DEAF1: variants seen among roughly 807,000 people sequenced by gnomAD.
DEAF1 encodes the protein deformed epidermal autoregulatory factor 1 homolog.
In DEAF1, 53 loss-of-function variants were observed where a neutral mutation model predicts 58.9. That is an observed-to-expected ratio of 0.90 (90% CI 0.72 to 1.13). DEAF1 has a LOEUF of 1.13. Ranked by LOEUF, DEAF1 falls within the 50% of genes most tolerant of loss-of-function variation. DEAF1 has a pLI of 0.00. For synonymous variants in DEAF1, 385 were observed against 340.4 expected, an observed-to-expected ratio of 1.13 and a Z score of -1.44; for missense variants, 685 against 791.4, an observed-to-expected ratio of 0.87 and a Z score of 1.61.
intron 10 of DEAF1, among the ~76,000 whole-genome samples, chr11:673,638 G>A (rs1232189218): frequency 6.6e-6 from 1 of 152,168 alleles, no homozygotes; most frequent in Non-Finnish European, 1.5e-5. Flanking sequence ...CAAAGTCCAC[G>A]TTACCGTACC....
chr11:703,674 GCTCTGC>G (rs1861600797), intron 1 of DEAF1: 13 of 1,232,258 alleles, frequency 1.1e-5, no homozygotes, highest in Non-Finnish European at 1.3e-5. Context: ...AGCAACCCCA[GCTCTGC>G]CTCACAGGCA....
chr11:688,413 T>C lies in DEAF1; in HGVS notation c.435A>G (p.Lys145=). The C allele has an allele frequency of 1.9e-6, 3 of 1,613,882 alleles. No individual in the cohort carries two copies. The highest frequency in any genetic ancestry group is 2.5e-6 in the Non-Finnish European group (3 of 1,180,026). The change falls in exon 3 of 12, where the codon AAA becomes AAG. Residue 145 remains lysine (K), a synonymous_variant. Coordinates refer to ENST00000382409, the MANE Select transcript of DEAF1 (RefSeq NM_021008.4). The surrounding 1 kb of genome is among the most constrained non-coding windows in gnomAD (Gnocchi z 4.3). Reference sequence around the variant, plus strand: ...CTGTGTGGACGACAATCAGTGTCGCTTTTTCGGTGTTCAGGCTGTCCCCGA... The same window carrying C: ...CTGTGTGGACGACAATCAGTGTCGCCTTTTCGGTGTTCAGGCTGTCCCCGA... ...LQIGDSLNTE[K]ATLIVVHTDG...
chr11:657,151 A>T (rs1292742015), intron 10 of DEAF1, among the ~76,000 whole-genome samples: 1 of 151,934 alleles, frequency 6.6e-6, no homozygotes, highest in Non-Finnish European at 1.5e-5. Flanking sequence ...ACTCTCTAAG[A>T]CTTCCCAATA....
chr11:655,957 C>CG (rs1439219911), intron 10 of DEAF1, among the ~76,000 whole-genome samples: 7 of 151,880 alleles, frequency 4.6e-5, no homozygotes, highest in African/African-American at 1.5e-4. Flanking sequence ...CTCAGCCTCC[C>CG]CACAGCTGGG....
intron 6 of DEAF1, among the ~76,000 whole-genome samples, chr11:681,652 T>C (rs1238605429): frequency 1.3e-5 from 2 of 152,206 alleles, no homozygotes; most frequent in Non-Finnish European, 2.9e-5. Context: ...CCTCGTGATC[T>C]GCCCACCTCG....
chr11:649,375 T>C (rs1186253807), intron 11 of DEAF1, among the ~76,000 whole-genome samples: 3 of 151,784 alleles, frequency 2.0e-5, no homozygotes, highest in Admixed American at 2.0e-4. Context: ...TGAGCTGAGA[T>C]TGTGCCACTG....
Position 694,966 on chromosome 11 carries a change from C to T in DEAF1, c.82G>A (p.Ala28Thr). The T allele has an allele frequency of 8.5e-7, 1 of 1,174,180 alleles. No homozygotes were observed. Among genetic ancestry groups the T allele is most frequent in the South Asian group, 3.1e-5 (1 of 32,070 alleles). The allele number at this position is 1,174,180 out of a possible 1,614,324, so 72.7% of individuals were successfully genotyped here. The part of the protein sequence containing the change: ...AVAAAAAVAA[A>T]AAAAAGGEAE... ...TCGCCTCCTGCCGCGGCCGCGGCCGCCGCCGCCACAGCGGCCGCGGCCGCC... is the reference window on the plus strand; with the variant it reads ...TCGCCTCCTGCCGCGGCCGCGGCCGTCGCCGCCACAGCGGCCGCGGCCGCC... Residue 28 changes from alanine to threonine, a missense_variant, in exon 1 of 12, where the codon GCG (alanine) becomes ACG (threonine). Around this residue, in one of 3 missense-constraint regions of DEAF1, gnomAD observed 210 missense variants for 177.3 expected, o/e 1.18. Coordinates refer to ENST00000382409, the MANE Select transcript of DEAF1 (RefSeq NM_021008.4).
Position 684,797 on chromosome 11 carries a change from A to C in DEAF1, c.870+101T>G, listed in dbSNP as rs555399097. The C allele has an allele frequency of 4.0e-6, 4 of 993,702 alleles. No homozygotes were observed. In the East Asian group the frequency reaches 1.0e-4, roughly 26 times the overall value. 61.6% of individuals were successfully genotyped at this position (993,702 alleles called of 1,614,324 possible). On this transcript the variant is annotated intron_variant, in intron 6 of 11. Coordinates refer to ENST00000382409, the MANE Select transcript of DEAF1 (RefSeq NM_021008.4). ...AGGACAGTGTCTCTCTCCAAGGCAG[A>C]GGGCAGGAGGGAAACAGCCGAGAGG...
intron 10 of DEAF1, chr11:666,194 C>T (rs1305776214): frequency 6.6e-6 from 1 of 152,264 alleles, no homozygotes; most frequent in African/African-American, 2.4e-5. Context: ...CCTGCCCTAA[C>T]AGCATCAACA....
At chr11:684,432 A>G (rs1447377507) in intron 6 of DEAF1, among the ~76,000 whole-genome samples, 1 of 151,994 alleles carries the variant, frequency 6.6e-6, no homozygotes, top group African/African-American at 2.4e-5. Context: ...AAAAAAAAAG[A>G]AAGAAAAATT....
chr11:669,758 C>T (rs562117030), intron 10 of DEAF1, among the ~76,000 whole-genome samples: 7 of 151,052 alleles, frequency 4.6e-5, no homozygotes, highest in African/African-American at 1.7e-4. Flanking sequence ...GGTGAAACCT[C>T]GTCTCTACTT....
chr11:683,018 C>G (rs531968434), intron 6 of DEAF1, among the ~76,000 whole-genome samples: 2 of 152,292 alleles, frequency 1.3e-5, no homozygotes, highest in Admixed American at 1.3e-4. Flanking sequence ...GGTCGTAGCT[C>G]AAACGTCACA....
intron 1 of DEAF1, chr11:692,470 T>A (rs894114698): frequency 6.5e-6 from 1 of 153,230 alleles, no homozygotes; most frequent in Non-Finnish European, 1.5e-5. Context: ...TCCAGGGCAA[T>A]CTCTGGCACA....
chr11:667,335 A>G (rs1859587471), intron 10 of DEAF1, among the ~76,000 whole-genome samples: 1 of 135,460 alleles, frequency 7.4e-6, no homozygotes, highest in South Asian at 2.7e-4. Flanking sequence ...GAAAGAAAAA[A>G]GAAGGAAGGA....
intron 10 of DEAF1, among the ~76,000 whole-genome samples, chr11:658,504 G>A (rs1056472758): frequency 4.6e-4 from 70 of 152,260 alleles, no homozygotes; most frequent in South Asian, 2.1e-4. Context: ...ACAAGACACC[G>A]CGTTTCCGCA....
rs544384136 is a variant in DEAF1 at position 653,322 on chromosome 11, G to A, written c.1593+640C>T. The stretch of plus-strand genomic sequence containing the variant: ...CTGTGGACAGTCTCTCTCTCGCGTG[G>A]CTCTGCAGGGGTGTGGAGGGCTCAA... On this transcript the variant is annotated intron_variant, in intron 11 of 11. Coordinates refer to ENST00000382409, the MANE Select transcript of DEAF1 (RefSeq NM_021008.4). 6.1e-5 allele frequency among the ~76,000 whole-genome samples: 8 copies of A among 131,286 alleles called. No individual in the cohort carries two copies. In the East Asian group the frequency reaches 1.7e-3, roughly 28 times the overall value. The allele number at this position is 131,286 out of a possible 152,430, so 86.1% of individuals were successfully genotyped here. A position where few individuals can be genotyped will look rare whatever the true frequency, so the allele number is the denominator to read the frequency against.
chr11:691,973 C>A (rs1439965408), intron 1 of DEAF1, among the ~76,000 whole-genome samples: 1 of 152,156 alleles, frequency 6.6e-6, no homozygotes, highest in Non-Finnish European at 1.5e-5. Context: ...CTACGAGGAG[C>A]TCTCGGCCTC....
At chr11:672,730 C>T (rs1859885432) in intron 10 of DEAF1, among the ~76,000 whole-genome samples, 1 of 151,936 alleles carries the variant, frequency 6.6e-6, no homozygotes, top group Non-Finnish European at 1.5e-5. Flanking sequence ...TGCCTGTAAT[C>T]CCAGCTATTC....
intron 10 of DEAF1, among the ~76,000 whole-genome samples, chr11:667,643 T>TA (rs1467442068): frequency 1.2e-4 from 18 of 150,356 alleles, no homozygotes; most frequent in Admixed American, 2.0e-4. Context: ...CTGTCTCTAA[T>TA]AAAAAAATAC....
Sources: allele counts gnomAD v4.1 joint callset (sites outside exome capture counted in the v4.1 genomes callset), GRCh38; gene constraint gnomAD v4.1.1; regional missense constraint gnomAD v4.1.1; non-coding constraint Gnocchi (gnomAD v3.1); transcripts MANE v1.5; gene names NCBI Gene and HGNC (gene_info 2026-07-23, HGNC 2026-07-21).